Variants in GFRA2 observed in about 807,000 individuals in gnomAD.
The protein encoded by GFRA2 is GDNF family receptor alpha-2.
In GFRA2, 17 loss-of-function variants were observed where a neutral mutation model predicts 48.3. That is an observed-to-expected ratio of 0.35 (90% CI 0.24 to 0.53). The LOEUF (loss-of-function observed/expected upper bound fraction) is 0.53, where lower values mean the gene tolerates loss of function less well. GFRA2 is among the 20% of genes least tolerant of loss of function. The pLI is 0.93. For missense variants in GFRA2, 660 were observed against 637.3 expected (o/e 1.04, Z -0.38); for synonymous variants, 305 against 257.2 (o/e 1.19, Z -1.78).
At chr8:21,801,189 C>T (rs1326713747) in intron 2 of GFRA2, among the ~76,000 whole-genome samples, 2 of 152,102 alleles carry the variant, frequency 1.3e-5, no homozygotes, top group African/African-American at 4.8e-5. Context: ...CTGTCCACAC[C>T]TGATGCTCCA....
chr8:21,787,357 A>T (rs1421869252), intron 1 of GFRA2, among the ~76,000 whole-genome samples: 1 of 152,070 alleles, frequency 6.6e-6, no homozygotes, highest in Admixed American at 6.5e-5. Context: ...CAACGGAGAA[A>T]GCAAACTTTG....
intron 4 of GFRA2, among the ~76,000 whole-genome samples, chr8:21,710,841 G>C (rs943675552): frequency 1.3e-5 from 2 of 152,208 alleles, no homozygotes; most frequent in African/African-American, 4.8e-5. Context: ...GCCATCCTCA[G>C]CGTCCAGCAG....
rs117398378 is a variant in GFRA2, at chr8:21,692,437, C to T, written c.*841G>A. ...AGACACACACCCGGCTGTGGTCTCT[C>T]CCCTCCCTCTCCCCAAAGGGAGGCC... On this transcript the variant is annotated 3_prime_UTR_variant, in exon 9 of 9. Transcript: ENST00000524240. 3.1e-3 allele frequency: 467 copies of T among 152,210 alleles called. 5 individuals are homozygous for T. In the East Asian group the frequency reaches 0.054, roughly 18 times the overall value. The allele number at this position is 152,210 out of a possible 1,614,324, so 9.4% of individuals were successfully genotyped here.
At chr8:21,723,109 G>A (rs972335222) in intron 4 of GFRA2, among the ~76,000 whole-genome samples, 7 of 152,148 alleles carry the variant, frequency 4.6e-5, no homozygotes, top group African/African-American at 1.7e-4. Flanking sequence ...TGCAGCCTCT[G>A]GCTTCATCCA....
At chr8:21,741,751 G>A (rs974583341) in intron 4 of GFRA2, among the ~76,000 whole-genome samples, 3 of 151,988 alleles carry the variant, frequency 2.0e-5, no homozygotes, top group Non-Finnish European at 2.9e-5. Flanking sequence ...GTGAAAGCCC[G>A]TCTGTACTAA....
chr8:21,782,925 C>T, intron 1 of GFRA2, 26 bp from the exon 2 acceptor site: 7 of 1,531,778 alleles, frequency 4.6e-6, no homozygotes, highest in Non-Finnish European at 6.1e-6. Flanking sequence ...GGAAGACAAG[C>T]ATGAATGACG....
chr8:21,725,953 C>A (rs1374244286), intron 4 of GFRA2, among the ~76,000 whole-genome samples: 1 of 152,236 alleles, frequency 6.6e-6, no homozygotes, highest in Non-Finnish European at 1.5e-5. Flanking sequence ...GCTGCCTGAT[C>A]TTGAACGCTG....
chr8:21,790,266 G>GCACTC (rs1237094851), upstream of GFRA2, among the ~76,000 whole-genome samples: 1 of 152,194 alleles, frequency 6.6e-6, no homozygotes, highest in Non-Finnish European at 1.5e-5. Context: ...CACGTTCCTC[G>GCACTC]CACTCAGCTC....
In GFRA2 at chr8:21,714,535, C is replaced by A. The variant is rs1803239986; in HGVS notation, c.795-8494G>T. Among the ~76,000 whole-genome samples the A allele has an allele frequency of 1.3e-5, 2 of 151,984 alleles. 1 individual carries two copies. The highest frequency in any genetic ancestry group is 2.9e-5 in the Non-Finnish European group (2 of 68,012). On this transcript the variant is annotated intron_variant, in intron 4 of 8. Transcript: ENST00000524240. ...CAAAGTGCTAGAATTCCAGGCCTGA[C>A]TGAAGTTCTCGTTTATCAGGTGATA...
chr8:21,741,932 AAAAG>A (rs568674453), intron 4 of GFRA2, among the ~76,000 whole-genome samples: 27 of 148,850 alleles, frequency 1.8e-4, no homozygotes, highest in East Asian at 7.7e-4. Flanking sequence ...AAAAAAAAAA[AAAAG>A]AAAGAAAGAA....
At chr8:21,754,883 C>T (rs1805493703) in intron 3 of GFRA2, among the ~76,000 whole-genome samples, 1 of 152,086 alleles carries the variant, frequency 6.6e-6, no homozygotes, top group African/African-American at 2.4e-5. Flanking sequence ...GGGGAGGGTA[C>T]ATCCAGACAA....
At chr8:21,798,209 C>G (rs758992415) in intron 2 of GFRA2, among the ~76,000 whole-genome samples, 6,995 of 152,290 alleles carry the variant, frequency 0.046, 219 homozygotes, top group Middle Eastern at 0.078. Flanking sequence ...ACATCCCACC[C>G]AGCATTATGG....
chr8:21,769,161 A>G (rs1806320528), intron 3 of GFRA2: 1 of 984,428 alleles, frequency 1.0e-6, no homozygotes, highest in Non-Finnish European at 1.2e-6. Context: ...ATTCTCTTAC[A>G]GCAGTGGTTG....
chr8:21,768,400 T>C (rs1401690673), intron 3 of GFRA2, among the ~76,000 whole-genome samples: 1 of 152,220 alleles, frequency 6.6e-6, no homozygotes, highest in African/African-American at 2.4e-5. Context: ...CTTCCAGTTC[T>C]TCCCTGCCCT....
In GFRA2 at chr8:21,788,742, A is replaced by C. The variant is rs1807413388; in HGVS notation, c.-583T>G. On this transcript the variant is annotated 5_prime_UTR_variant, in exon 1 of 9. Coordinates refer to ENST00000524240, the MANE Select transcript of GFRA2 (RefSeq NM_001495.5). ...AGATTCAAAAAAATCTTCTCCCGCT[A>C]ACCCTTGCTCGGCTCACTTTTTTCT... is the stretch of plus-strand genomic sequence containing the variant. 1 of 985,354 alleles carries C rather than the reference A, an allele frequency of 1.0e-6. No homozygotes were observed. Among genetic ancestry groups the C allele is most frequent in the African/African-American group, 1.7e-5 (1 of 57,224 alleles). 61.0% of individuals were successfully genotyped at this position (985,354 alleles called of 1,614,324 possible).
At chr8:21,721,123 T>C (rs2117445574) in intron 4 of GFRA2, among the ~76,000 whole-genome samples, 2 of 152,112 alleles carry the variant, frequency 1.3e-5, no homozygotes, top group Admixed American at 1.3e-4. Context: ...CTAAGAACTC[T>C]CCTAACACCT....
chr8:21,766,225 G>A (rs1315144791), intron 3 of GFRA2, among the ~76,000 whole-genome samples: 2 of 151,996 alleles, frequency 1.3e-5, no homozygotes, highest in Admixed American at 1.3e-4. Context: ...TCCTTCCTGT[G>A]AGTCAGATTT....
chr8:21,698,147 C>A (rs555332582), intron 7 of GFRA2, among the ~76,000 whole-genome samples: 7 of 152,166 alleles, frequency 4.6e-5, no homozygotes, highest in Admixed American at 3.9e-4. Flanking sequence ...TGGCTCCAGT[C>A]CAAAAGCACA....
chr8:21,797,241 C>T (rs895880426), intron 2 of GFRA2, among the ~76,000 whole-genome samples: 102 of 150,960 alleles, frequency 6.8e-4, no homozygotes, highest in Middle Eastern at 3.4e-3. Context: ...TCACAGATAA[C>T]GCGGACAATT....
Sources: allele counts gnomAD v4.1 joint callset (sites outside exome capture counted in the v4.1 genomes callset), GRCh38; gene constraint gnomAD v4.1.1; transcripts MANE v1.5; gene names NCBI Gene and HGNC (gene_info 2026-07-23, HGNC 2026-07-21).